The following TMEM178A variants were observed in gnomAD, a reference collection of about 807,000 sequenced individuals.
The protein encoded by TMEM178A is transmembrane protein 178.
Under a neutral mutation model 29.1 loss-of-function variants are expected in TMEM178A, and 12 were observed. That is an observed-to-expected ratio of 0.41 (90% CI 0.26 to 0.67). The LOEUF is 0.67. Ranked by LOEUF, TMEM178A falls within the 30% of genes least tolerant of loss-of-function variation. The pLI is 0.29. For missense variants in TMEM178A, 366 were observed against 419.1 expected, an observed-to-expected ratio of 0.87 and a Z score of 1.11; for synonymous variants, 210 against 187.2, an observed-to-expected ratio of 1.12 and a Z score of -0.99.
At chr2:39,710,444 A>T (rs1222270301) in intron 3 of TMEM178A, among the ~76,000 whole-genome samples, 1 of 152,136 alleles carries the variant, frequency 6.6e-6, no homozygotes, top group Non-Finnish European at 1.5e-5. Flanking sequence ...GCTTCACTGT[A>T]AAAAAACAAG....
At chr2:39,721,591 C>T (rs1050874859), downstream of TMEM178A, among the ~76,000 whole-genome samples, 3 of 151,956 alleles carry the variant, frequency 2.0e-5, no homozygotes, top group Non-Finnish European at 4.4e-5. Flanking sequence ...GTGAGGTTGC[C>T]AAGGTAGGCA....
rs1191020948 is a variant in TMEM178A at position 39,717,053 on chromosome 2, C to G, written c.696C>G (p.Ile232Met). The G allele has an allele frequency of 1.9e-6, 3 of 1,610,630 alleles. No individual in the cohort carries two copies. Among genetic ancestry groups the G allele is most frequent in the Non-Finnish European group, 2.5e-6 (3 of 1,179,528 alleles). The change falls in exon 4 of 4, where the codon ATC becomes ATG. Residue 232 changes from isoleucine (I) to methionine (M), a missense_variant. Ile to Met is a conservative substitution (Grantham distance 10, BLOSUM62 1). Transcript: ENST00000281961. ...TISLCTYAAS[I>M]SYDLNRLPKL... ...CCCTCTGTACTTATGCCGCCAGTAT[C>G]TCGTATGATTTGAACCGGCTCCCAA...
intron 1 of TMEM178A, among the ~76,000 whole-genome samples, chr2:39,696,631 C>T (rs1671555239): frequency 6.6e-6 from 1 of 152,156 alleles, no homozygotes; most frequent in Non-Finnish European, 1.5e-5. Flanking sequence ...GGTCTTTAAC[C>T]ATCATGTATA....
In TMEM178A at chr2:39,699,520, A is replaced by C. The variant is rs376792074; in HGVS notation, c.401-4561A>C. On this transcript the variant is annotated intron_variant, in intron 1 of 3. Transcript: ENST00000281961. Reference sequence around the variant, plus strand: ...CACCCAGGCTGGAGTGCAGTGGTGCAATCTCAGCTCACTGCAGCCTACATC... The same window carrying C: ...CACCCAGGCTGGAGTGCAGTGGTGCCATCTCAGCTCACTGCAGCCTACATC... Among the ~76,000 whole-genome samples the C allele has an allele frequency of 1.9e-4, 28 of 151,168 alleles. No homozygotes were observed. In the East Asian group the frequency reaches 4.3e-3, roughly 23 times the overall value.
At chr2:39,680,996 G>T (rs1161194580) in intron 1 of TMEM178A, among the ~76,000 whole-genome samples, 2 of 150,042 alleles carry the variant, frequency 1.3e-5, no homozygotes, top group African/African-American at 4.9e-5. Context: ...CAATTTCTTT[G>T]TTTTTTTTTC....
At chr2:39,685,569 A>G (rs1376110270) in intron 1 of TMEM178A, among the ~76,000 whole-genome samples, 1 of 152,228 alleles carries the variant, frequency 6.6e-6, no homozygotes, top group African/African-American at 2.4e-5. Context: ...AAGGTCTAAT[A>G]GGTGAGGCTC....
rs1370432727 is a variant in TMEM178A at position 39,702,921 on chromosome 2, C to G, written c.401-1160C>G. Among the ~76,000 whole-genome samples the G allele has an allele frequency of 2.0e-5, 3 of 152,024 alleles. No homozygotes were observed. In the East Asian group the frequency reaches 5.8e-4, roughly 29 times the overall value. Reference sequence around the variant, plus strand: ...AGGAGTTTACATTTTTAACGAGCCACCTAGGTGATTCTGATGTACACTAAT... The same window carrying G: ...AGGAGTTTACATTTTTAACGAGCCAGCTAGGTGATTCTGATGTACACTAAT... On this transcript the variant is annotated intron_variant, in intron 1 of 3. Transcript: ENST00000281961.
the TMEM178A span, among the ~76,000 whole-genome samples, chr2:39,723,071 A>T: frequency 5.3e-5 from 8 of 152,210 alleles, no homozygotes; most frequent in Non-Finnish European, 1.0e-4. Flanking sequence ...TGCTCCCAGA[A>T]CGCAATCACA....
Position 39,717,293 on chromosome 2 carries a change from G to T in TMEM178A, c.*42G>T. ...TGTCCACAGTGCGAGCGACTCCTGA[G>T]GGGAACAGCGCGGAGTTCAGGAGTC... On this transcript the variant is annotated 3_prime_UTR_variant, in exon 4 of 4. Transcript: ENST00000281961. 1 of 1,598,082 alleles carries T rather than the reference G, an allele frequency of 6.3e-7. No homozygotes were observed.
At chr2:39,673,641 T>A (rs1017524077) in intron 1 of TMEM178A, among the ~76,000 whole-genome samples, 3 of 152,222 alleles carry the variant, frequency 2.0e-5, no homozygotes, top group African/African-American at 7.2e-5. Context: ...TAATTGTCTC[T>A]TTACAACAGG....
intron 2 of TMEM178A, among the ~76,000 whole-genome samples, chr2:39,704,819 A>G (rs1288974367): frequency 1.3e-5 from 2 of 152,256 alleles, no homozygotes; most frequent in East Asian, 3.9e-4. Context: ...ACTACTGTGA[A>G]TTTTTTTGGT....
chr2:39,703,390 A>C (rs1314434427), intron 1 of TMEM178A, among the ~76,000 whole-genome samples: 1 of 152,160 alleles, frequency 6.6e-6, no homozygotes, highest in Non-Finnish European at 1.5e-5. Context: ...GGAGGTGGAG[A>C]GTGTACTAGA....
intron 1 of TMEM178A, among the ~76,000 whole-genome samples, chr2:39,702,306 A>C (rs1047654167): frequency 3.9e-5 from 6 of 152,032 alleles, no homozygotes; most frequent in African/African-American, 1.4e-4. Flanking sequence ...CTTAGTGGTA[A>C]ACTAATTATT....
At chr2:39,707,305 C>G in intron 3 of TMEM178A, 119 bp downstream of exon 3, 1 of 1,259,494 alleles carries the variant, frequency 7.9e-7, no homozygotes, top group Non-Finnish European at 1.1e-6. Context: ...AGAAAAGCAA[C>G]CAGAAGGTCA....
chr2:39,665,945 C>A lies in TMEM178A; in HGVS notation c.-30C>A. 7.4e-7 allele frequency: 1 copy of A among 1,343,762 alleles called. No homozygotes were observed. The highest frequency in any genetic ancestry group is 9.5e-7 in the Non-Finnish European group (1 of 1,050,602). The allele number at this position is 1,343,762 out of a possible 1,614,324, so 83.2% of individuals were successfully genotyped here. On this transcript the variant is annotated 5_prime_UTR_variant, in exon 1 of 4. Transcript: ENST00000281961. ...TTGTGTCTGGCGGCGGCGCGCGAGC[C>A]CACCGGCGGCTGCGGCGGGGCGGGA...
rs767120428 is a variant in TMEM178A at position 39,717,208 on chromosome 2, C to G, written c.851C>G (p.Thr284Ser). ...LCIAYPFISR[T>S]KIAQLKSGRD... ...ATCGCTTATCCGTTTATTAGCCGGA[C>G]CAAGATTGCACAGCTAAAGTCTGGC... is the stretch of plus-strand genomic sequence containing the variant. Residue 284 changes from threonine (T) to serine (S), a missense_variant, in exon 4 of 4, where the codon ACC becomes AGC. Transcript: ENST00000281961. 1.9e-6 allele frequency: 3 copies of G among 1,613,346 alleles called. No individual in the cohort carries two copies. The highest frequency in any genetic ancestry group is 2.5e-6 in the Non-Finnish European group (3 of 1,179,982).
intron 3 of TMEM178A, 44 bp from the exon 4 acceptor site, chr2:39,716,966 G>C: frequency 1.3e-6 from 2 of 1,576,864 alleles, no homozygotes; most frequent in South Asian, 1.2e-5. Flanking sequence ...CTTGTAACAG[G>C]CAAACTGTAA....
At chr2:39,695,714 A>G (rs981054579) in intron 1 of TMEM178A, among the ~76,000 whole-genome samples, 1 of 151,940 alleles carries the variant, frequency 6.6e-6, no homozygotes, top group Admixed American at 6.6e-5. Context: ...AGGGGTCTAG[A>G]GTCTGAATTC....
rs771837641 is a variant in TMEM178A at position 39,666,040 on chromosome 2, C to T, written c.66C>T (p.Leu22=). The change falls in exon 1 of 4, where the codon CTC becomes CTT. Residue 22 remains leucine, a synonymous_variant. Transcript: ENST00000281961. ...TCAGCCTGTGCTCCCTGGGGCTGCTCGTCACGGCCATCTTCACCGACCACT... is the reference window on the plus strand; with the variant it reads ...TCAGCCTGTGCTCCCTGGGGCTGCTTGTCACGGCCATCTTCACCGACCACT... ...LGLSLCSLGL[L]VTAIFTDHWY... is the part of the protein sequence containing the mutation. 3.3e-5 allele frequency: 51 copies of T among 1,559,056 alleles called. No individual in the cohort carries two copies. The highest frequency in any genetic ancestry group is 4.2e-5 in the Non-Finnish European group (49 of 1,156,334).
Sources: allele counts gnomAD v4.1 joint callset (sites outside exome capture counted in the v4.1 genomes callset), GRCh38; gene constraint gnomAD v4.1.1; transcripts MANE v1.5; gene names NCBI Gene and HGNC (gene_info 2026-07-23, HGNC 2026-07-21).